The following ARHGEF10 variants were observed in gnomAD, a reference collection of about 807,000 sequenced individuals.
The protein encoded by ARHGEF10 is Rho guanine nucleotide exchange factor (GEF) 10.
In ARHGEF10, 140 loss-of-function variants were observed where a neutral mutation model predicts 147.4. The ratio of observed to expected loss-of-function variants is 0.95; its 90% CI spans 0.83 to 1.09. The LOEUF is 1.09. Ranked by LOEUF, ARHGEF10 falls within the 50% of genes least tolerant of loss-of-function variation. ARHGEF10 has a pLI of 0.00. For synonymous variants in ARHGEF10, 902 were observed against 695.8 expected (o/e 1.30, Z -4.67); for missense variants, 2,222 against 1,752.7 (o/e 1.27, Z -4.78).
At chr8:1,846,144 C>A (rs550384934) in intron 2 of ARHGEF10, among the ~76,000 whole-genome samples, 1 of 152,204 alleles carries the variant, frequency 6.6e-6, no homozygotes, top group Non-Finnish European at 1.5e-5. Flanking sequence ...GAGACCCTGG[C>A]GGGAGCCCGG....
At chr8:1,912,931 T>C (rs1278321575) in intron 18 of ARHGEF10, among the ~76,000 whole-genome samples, 1 of 152,144 alleles carries the variant, frequency 6.6e-6, no homozygotes, top group Admixed American at 6.5e-5. Flanking sequence ...AGCGTCTTTG[T>C]TGGTGCACTC....
chr8:1,844,855 C>T (rs953803553), intron 2 of ARHGEF10, among the ~76,000 whole-genome samples: 1 of 151,978 alleles, frequency 6.6e-6, no homozygotes, highest in Non-Finnish European at 1.5e-5. Flanking sequence ...TCACTTGAGC[C>T]CAGGAGTTTG....
At chr8:1,945,830 G>C (rs1274954645) in intron 27 of ARHGEF10, 175 bp downstream of exon 27, 6 of 1,019,112 alleles carry the variant, frequency 5.9e-6, no homozygotes, top group Non-Finnish European at 8.9e-6. Flanking sequence ...ACGGAGCATG[G>C]TCAGCCCACT....
rs532209346 is a variant in ARHGEF10 at position 1,908,422 on chromosome 8, TG to T, written c.1968-869del. ...ATTTTTTAAATATTTTTAGTAGAGATGGGGTGTCACTGTGTTAGCCAGGATG... is the reference window on the plus strand; with the variant it reads ...ATTTTTTAAATATTTTTAGTAGAGATGGGTGTCACTGTGTTAGCCAGGATG... On this transcript the variant is annotated intron_variant, in intron 17 of 28. Transcript: ENST00000349830. 4.9e-3 allele frequency among the ~76,000 whole-genome samples: 747 copies of T among 152,000 alleles called. 6 individuals are homozygous for T. Among genetic ancestry groups the T allele is most frequent in the African/African-American group, 0.017 (704 of 41,426 alleles).
intron 2 of ARHGEF10, among the ~76,000 whole-genome samples, chr8:1,857,708 A>G (rs751262302): frequency 2.7e-4 from 24 of 90,022 alleles, no homozygotes; most frequent in Admixed American, 2.3e-3. Context: ...GTGAGCTACC[A>G]CCCCCAGCCT....
chr8:1,869,125 C>T (rs1371608211), intron 6 of ARHGEF10, 69 bp from the exon 7 acceptor site: 3 of 1,347,052 alleles, frequency 2.2e-6, no homozygotes, highest in African/African-American at 1.4e-5. Flanking sequence ...CGACTGTGGC[C>T]CTGTAAAATT....
At chr8:1,884,253 G>C (rs968549262) in intron 10 of ARHGEF10, among the ~76,000 whole-genome samples, 28 of 152,086 alleles carry the variant, frequency 1.8e-4, no homozygotes, top group African/African-American at 6.8e-4. Context: ...AAAATTAGCT[G>C]GGCGTGGTGG....
chr8:1,859,832 C>T, intron 3 of ARHGEF10, 65 bp from the exon 4 acceptor site: 1 of 1,594,458 alleles, frequency 6.3e-7, no homozygotes, highest in Non-Finnish European at 8.6e-7. Flanking sequence ...ACTTGCGCTC[C>T]AGGAGGGCAT....
At chr8:1,944,323 C>T (rs988298190) in intron 26 of ARHGEF10, among the ~76,000 whole-genome samples, 14 of 151,500 alleles carry the variant, frequency 9.2e-5, no homozygotes, top group African/African-American at 2.7e-4. Flanking sequence ...GCTCTCAGGC[C>T]CTGCAGCGCC....
chr8:1,882,591 G>T (rs1303176244), intron 9 of ARHGEF10, 44 bp from the exon 10 acceptor site: 1 of 1,487,766 alleles, frequency 6.7e-7, no homozygotes, highest in Non-Finnish European at 9.2e-7. Context: ...GTCGCAGGTG[G>T]GTTCTGCCGC....
intron 18 of ARHGEF10, among the ~76,000 whole-genome samples, chr8:1,911,736 G>A (rs570334095): frequency 1.3e-5 from 2 of 152,248 alleles, no homozygotes; most frequent in East Asian, 3.9e-4. Context: ...TGAGTGCCAC[G>A]CTGCAGCCGG....
At chr8:1,925,938 G>C (rs4875938) in intron 22 of ARHGEF10, among the ~76,000 whole-genome samples, 37,212 of 152,164 alleles carry the variant, frequency 0.24, 5,182 homozygotes, top group Non-Finnish European at 0.32. Flanking sequence ...TCTCACCCTG[G>C]TCTCTGGCCA....
chr8:1,840,256 G>T (rs1378646350), intron 1 of ARHGEF10, among the ~76,000 whole-genome samples: 1 of 137,970 alleles, frequency 7.2e-6, no homozygotes, highest in Non-Finnish European at 1.5e-5. Flanking sequence ...GGGACTGTCC[G>T]GTGTGGAATC....
chr8:1,952,586 T>G, intron 27 of ARHGEF10, 119 bp from the exon 28 acceptor site: 1 of 1,375,974 alleles, frequency 7.3e-7, no homozygotes, highest in South Asian at 1.2e-5. Flanking sequence ...TGCCACATCC[T>G]GCCCCTGGCG....
chr8:1,939,188 G>T (rs1370702700), intron 26 of ARHGEF10, among the ~76,000 whole-genome samples: 1 of 152,218 alleles, frequency 6.6e-6, no homozygotes, highest in African/African-American at 2.4e-5. Flanking sequence ...CAATTTCAAG[G>T]CAAACGGAGA....
At chr8:1,907,685 G>A (rs774002533) in intron 17 of ARHGEF10, among the ~76,000 whole-genome samples, 15 of 152,178 alleles carry the variant, frequency 9.9e-5, no homozygotes, top group Non-Finnish European at 1.9e-4. Context: ...TGTGCTTACT[G>A]CTAGAGGATT....
At position 1,838,039 on chromosome 8, in the gene ARHGEF10, G is replaced by A. The variant is rs547565640; in HGVS notation, c.-47-5314G>A. On this transcript the variant is annotated intron_variant, in intron 1 of 28. Transcript: ENST00000349830. ...TCATTGTCTCCTCCATAGAGTTCAG[G>A]GCGTTTATTCATTGTCTCCTCTTCG... 2.3e-3 allele frequency among the ~76,000 whole-genome samples: 348 copies of A among 152,264 alleles called. 2 individuals carry two copies. The highest frequency in any genetic ancestry group is 7.4e-3 in the African/African-American group (306 of 41,552).
chr8:1,890,415 A>AGACACTGAATGGGGTGAGGGTTGTGAGG (rs1563241715), intron 11 of ARHGEF10, among the ~76,000 whole-genome samples: 1 of 140,832 alleles, frequency 7.1e-6, no homozygotes, highest in African/African-American at 2.6e-5. Context: ...GGGTTGTGAG[A>AGACACTGAATGGGGTGAGGGTTGTGAGG]AGACACTGAA....
intron 25 of ARHGEF10, among the ~76,000 whole-genome samples, chr8:1,931,805 G>C (rs1813171445): frequency 6.6e-6 from 1 of 151,850 alleles, no homozygotes. Flanking sequence ...TGCGATTTGG[G>C]ATCCTGCTGA....
Sources: gnomAD v4.1 joint callset for allele counts (sites outside exome capture counted in the v4.1 genomes callset) on GRCh38, gnomAD v4.1.1 for gene constraint, MANE v1.5 for transcripts, NCBI Gene and HGNC (gene_info 2026-07-23, HGNC 2026-07-21) for gene names.